Variants in C10orf67 observed in about 807,000 individuals in gnomAD.
C10orf67 encodes the protein uncharacterized protein C10orf67, mitochondrial.
A neutral mutation model predicts 35.6 loss-of-function variants in C10orf67; 60 were observed. The observed-to-expected ratio is 1.68, with a 90% CI of 1.37 to 2.09. The LOEUF (loss-of-function observed/expected upper bound fraction) is 2.09, where lower values mean the gene tolerates loss of function less well. Among genes scored for constraint, C10orf67 ranks in the 30% most tolerant of loss-of-function variants. The probability of loss-of-function intolerance (pLI) is 0.00; values close to 1 mark genes in which losing one functional copy is unlikely to be tolerated. For synonymous variants in C10orf67, 167 were observed against 115.8 expected, an observed-to-expected ratio of 1.44 and a Z score of -2.84; for missense variants, 474 against 330.2, an observed-to-expected ratio of 1.44 and a Z score of -3.38.
chr10:23,304,471 T>C (rs1384429124), intron 4 of C10orf67, among the ~76,000 whole-genome samples: 2 of 152,134 alleles, frequency 1.3e-5, no homozygotes, highest in Non-Finnish European at 2.9e-5. Flanking sequence ...TCAATGCCTC[T>C]GGAGGCAAGC....
chr10:23,297,103 C>G (rs1462542323), intron 5 of C10orf67, among the ~76,000 whole-genome samples: 1 of 152,204 alleles, frequency 6.6e-6, no homozygotes, highest in Non-Finnish European at 1.5e-5. Context: ...CTTCTGAGTA[C>G]TGGGGCTTGC....
intron 7 of C10orf67, among the ~76,000 whole-genome samples, chr10:23,288,546 T>G (rs969845217): frequency 6.6e-6 from 1 of 152,168 alleles, no homozygotes; most frequent in Non-Finnish European, 1.5e-5. Flanking sequence ...CATATATACC[T>G]ATGTAACAAA....
chr10:23,266,717 G>C (rs1000026871), intron 9 of C10orf67, among the ~76,000 whole-genome samples: 1 of 152,080 alleles, frequency 6.6e-6, no homozygotes, highest in Non-Finnish European at 1.5e-5. Context: ...TATGTGGAGG[G>C]GGGTGGGTGG....
rs984153194 is a variant in C10orf67, at chr10:23,204,220, C to G, written c.1606G>C (p.Glu536Gln). ...LSESPKEESL[E>Q]EPSMRQSSPA... Reference sequence around the variant, plus strand: ...CTGCTCTGGCGCATGGAGGGCTCCTCCAAGGACTCTTCTTTTGGGGATTCC... The same window carrying G: ...CTGCTCTGGCGCATGGAGGGCTCCTGCAAGGACTCTTCTTTTGGGGATTCC... Residue 536 changes from glutamate to glutamine, a missense_variant, in exon 16 of 16, where the codon GAG becomes CAG. Transcript: ENST00000636213. The G allele has an allele frequency of 9.0e-5, 59 of 652,144 alleles. No individual in the cohort carries two copies. The highest frequency in any genetic ancestry group is 1.5e-4 in the Non-Finnish European group (53 of 348,676). 40.4% of individuals were successfully genotyped at this position (652,144 alleles called of 1,614,324 possible). A position where few individuals can be genotyped will look rare whatever the true frequency, so the allele number is the denominator to read the frequency against.
intron 13 of C10orf67, among the ~76,000 whole-genome samples, chr10:23,231,928 T>C (rs1465729364): frequency 2.6e-5 from 4 of 152,056 alleles, no homozygotes; most frequent in Non-Finnish European, 4.4e-5. Flanking sequence ...TACTTATTTT[T>C]TATTTCTAGA....
chr10:23,236,832 G>A (rs765703851), intron 13 of C10orf67, among the ~76,000 whole-genome samples: 12 of 152,060 alleles, frequency 7.9e-5, no homozygotes, highest in Non-Finnish European at 1.0e-4. Context: ...AGCCAAGATC[G>A]TGCCATTGTA....
chr10:23,270,544 G>C (rs554582129), intron 8 of C10orf67, among the ~76,000 whole-genome samples: 1 of 152,198 alleles, frequency 6.6e-6, no homozygotes. Flanking sequence ...TACCTTCCCC[G>C]GGGAAGGGGA....
At chr10:23,231,230 CT>C (rs1841906980) in intron 13 of C10orf67, among the ~76,000 whole-genome samples, 1 of 152,180 alleles carries the variant, frequency 6.6e-6, no homozygotes, top group East Asian at 1.9e-4. Flanking sequence ...CTTTCTCAGT[CT>C]GTCTTGCAAT....
chr10:23,216,795 A>G (rs1588579573), intron 15 of C10orf67, among the ~76,000 whole-genome samples: 1 of 152,330 alleles, frequency 6.6e-6, no homozygotes, highest in South Asian at 2.1e-4. Context: ...TTGTACATGT[A>G]TAAGAGTGTG....
At chr10:23,309,334 A>G (rs1243299884) in intron 4 of C10orf67, among the ~76,000 whole-genome samples, 1 of 152,210 alleles carries the variant, frequency 6.6e-6, no homozygotes, top group Non-Finnish European at 1.5e-5. Flanking sequence ...TGGGAGCTAA[A>G]CAACGGGTAC....
intron 4 of C10orf67, among the ~76,000 whole-genome samples, chr10:23,306,335 C>T (rs1844278517): frequency 6.6e-6 from 1 of 151,706 alleles, no homozygotes; most frequent in African/African-American, 2.4e-5. Flanking sequence ...ACTAGCCTGG[C>T]CAACATGTGA....
intron 5 of C10orf67, among the ~76,000 whole-genome samples, chr10:23,296,905 G>T (rs1276319968): frequency 6.6e-6 from 1 of 152,206 alleles, no homozygotes; most frequent in Non-Finnish European, 1.5e-5. Flanking sequence ...TTTTGAAAAG[G>T]CCTGGTCCAG....
chr10:23,330,739 C>CAAAAA (rs10681378), intron 2 of C10orf67, among the ~76,000 whole-genome samples: 8 of 135,840 alleles, frequency 5.9e-5, no homozygotes, highest in Admixed American at 2.2e-4. Context: ...GACTCTGTCT[C>CAAAAA]AAAAAAAAAA....
chr10:23,216,279 G>A (rs1841427917), intron 15 of C10orf67, among the ~76,000 whole-genome samples: 1 of 152,076 alleles, frequency 6.6e-6, no homozygotes, highest in Non-Finnish European at 1.5e-5. Context: ...ATTCTTATTA[G>A]TTATCAGGGA....
intron 2 of C10orf67, among the ~76,000 whole-genome samples, chr10:23,332,291 A>G (rs537062747): frequency 1.4e-4 from 21 of 152,368 alleles, no homozygotes; most frequent in African/African-American, 4.8e-4. Flanking sequence ...ACAAGAGTAT[A>G]GTGGTATGCT....
chr10:23,217,032 T>C (rs1447722433), intron 15 of C10orf67, among the ~76,000 whole-genome samples: 1 of 152,252 alleles, frequency 6.6e-6, no homozygotes, highest in African/African-American at 2.4e-5. Flanking sequence ...CTACATTAAC[T>C]ATGTCTATAA....
At chr10:23,236,445 CA>C (rs1300834982) in intron 13 of C10orf67, among the ~76,000 whole-genome samples, 1 of 151,218 alleles carries the variant, frequency 6.6e-6, no homozygotes, top group Non-Finnish European at 1.5e-5. Context: ...CAAAACAAAA[CA>C]AAACAAACAA....
intron 4 of C10orf67, among the ~76,000 whole-genome samples, chr10:23,310,088 A>C (rs1441229868): frequency 6.6e-6 from 1 of 152,112 alleles, no homozygotes; most frequent in East Asian, 1.9e-4. Context: ...AAGCAGTGTG[A>C]TTTTCCCACA....
chr10:23,282,120 C>G (rs760817163), intron 7 of C10orf67, 42 bp from the exon 8 acceptor site: 1 of 479,766 alleles, frequency 2.1e-6, no homozygotes, highest in South Asian at 4.1e-5. Flanking sequence ...AAGATAAGAA[C>G]AGAACACCTA....
Sources: gnomAD v4.1 joint callset for allele counts (sites outside exome capture counted in the v4.1 genomes callset) on GRCh38, gnomAD v4.1.1 for gene constraint, MANE v1.5 for transcripts, NCBI Gene and HGNC (gene_info 2026-07-23, HGNC 2026-07-21) for gene names.